The following CRACR2B variants were observed in gnomAD, a reference collection of about 807,000 sequenced individuals.
CRACR2B encodes the protein calcium release activated channel regulator 2B, also known as EF-hand calcium-binding domain-containing protein 4A.
A neutral mutation model predicts 46.0 loss-of-function variants in CRACR2B; 50 were observed. That is an observed-to-expected ratio of 1.09 (90% CI 0.87 to 1.38). CRACR2B has a LOEUF of 1.38. CRACR2B is among the 40% of genes most tolerant of loss of function. CRACR2B has a pLI of 0.00. For synonymous variants in CRACR2B, 277 were observed against 239.6 expected (o/e 1.16, Z -1.44); for missense variants, 667 against 535.0 (o/e 1.25, Z -2.43).
chr11:826,374 C>T (rs1845899883), upstream of CRACR2B: 1 of 152,202 alleles, frequency 6.6e-6, no homozygotes, highest in Admixed American at 6.5e-5. Flanking sequence ...AGCAGCTCCT[C>T]CTTCCAATCC....
At chr11:831,454 G>C (rs1028243638) in intron 8 of CRACR2B, 81 bp from the exon 9 acceptor site, 1 of 1,494,024 alleles carries the variant, frequency 6.7e-7, no homozygotes, top group South Asian at 1.3e-5. Context: ...ACCTCTCTTC[G>C]CTCTGAGGGG....
Position 830,402 on chromosome 11 carries a change from C to T in CRACR2B, c.693+65C>T, listed in dbSNP as rs1206804535. The T allele has an allele frequency of 2.0e-6, 3 of 1,536,158 alleles. No homozygotes were observed. The African/African-American group carries it at 4.1e-5, about 21-fold the overall frequency. On this transcript the variant is annotated intron_variant, in intron 5 of 8. Coordinates refer to ENST00000525077, the MANE Select transcript of CRACR2B (RefSeq NM_001286606.2). The stretch of plus-strand genomic sequence containing the variant: ...CACCTCGCTGGCCTCCCTGGCTCCG[C>T]CTTCTCTGAATTAATCCCTCCCCGA...
In CRACR2B at chr11:830,032, C is replaced by A. The variant is rs1488901781; in HGVS notation, c.505C>A (p.Pro169Thr). 1 of 1,569,444 alleles carries A rather than the reference C, an allele frequency of 6.4e-7. No homozygotes were observed. The highest frequency in any genetic ancestry group is 8.6e-7 in the Non-Finnish European group (1 of 1,163,490). The change falls in exon 4 of 9, where the codon CCC (proline) becomes ACC (threonine). Residue 169 changes from proline (P) to threonine (T), a missense_variant. Physicochemically the swap from Pro to Thr is conservative, Grantham distance 38 (BLOSUM62 -1). Transcript: ENST00000525077. ...CTGGGCCAGGCTGCAGCGCGAGCGC[C>A]CCGAGCTGCTGGGCTCTTTCGAGGA... The part of the protein sequence containing the change: ...TLWARLQRER[P>T]ELLGSFEDVL...
upstream of CRACR2B, chr11:827,489 G>A (rs1845986288): frequency 3.1e-6 from 3 of 969,374 alleles, no homozygotes; most frequent in South Asian, 9.5e-5. Flanking sequence ...CCAGAGTTTC[G>A]GGGAGCACAG....
chr11:829,323 C>A lies in CRACR2B; in HGVS notation c.278-37C>A, dbSNP rs371971539. The stretch of plus-strand genomic sequence containing the variant: ...AACGGGGACACAGCCACGGTGGCGA[C>A]CCACAGCCCTGGTAATCGCTCGCTC... On this transcript the variant is annotated intron_variant, in intron 2 of 8. Coordinates refer to ENST00000525077, the MANE Select transcript of CRACR2B (RefSeq NM_001286606.2). 121 of 1,567,806 alleles carry A rather than the reference C, an allele frequency of 7.7e-5. No homozygotes were observed. The African/African-American group carries it at 1.5e-3, about 20-fold the overall frequency.
At chr11:830,185 A>T in intron 4 of CRACR2B, 53 bp downstream of exon 4, 2 of 1,496,424 alleles carry the variant, frequency 1.3e-6, no homozygotes, top group Non-Finnish European at 1.8e-6. Flanking sequence ...GGGCAGCAGC[A>T]GAGGCGGTGC....
Position 831,312 on chromosome 11 carries a change from GC to G in CRACR2B, c.1025+20del. ...GCTGCTCAGGTACGGTCAGGCTCAG[GC>G]CCGAGAGGGAATGGGCTCAGCGGAG... On this transcript the variant is annotated intron_variant, in intron 8 of 8. Coordinates refer to ENST00000525077, the MANE Select transcript of CRACR2B (RefSeq NM_001286606.2). The G allele has an allele frequency of 1.3e-6, 2 of 1,595,714 alleles. No homozygotes were observed. Among genetic ancestry groups the G allele is most frequent in the Non-Finnish European group, 8.5e-7 (1 of 1,175,034 alleles).
In CRACR2B at chr11:828,553, T is replaced by A; in HGVS notation, c.-55T>A. The stretch of plus-strand genomic sequence containing the variant: ...ATCCGCTCCCCTCCTGAATTTCTTC[T>A]GACCCTCCCTTGGCTTCACAGCACC... On this transcript the variant is annotated 5_prime_UTR_variant, in exon 1 of 9. Coordinates refer to ENST00000525077, the MANE Select transcript of CRACR2B (RefSeq NM_001286606.2). 1 of 1,524,506 alleles carries A rather than the reference T, an allele frequency of 6.6e-7. No individual in the cohort carries two copies. The highest frequency in any genetic ancestry group is 8.7e-7 in the Non-Finnish European group (1 of 1,144,584). 94.4% of individuals were successfully genotyped at this position (1,524,506 alleles called of 1,614,324 possible).
rs745501535 is a variant in CRACR2B, at chr11:831,589, G to A, written c.1080G>A (p.Ala360=). The change falls in exon 9 of 9, where the codon GCG becomes GCA. Residue 360 remains alanine (A), a synonymous_variant. Transcript: ENST00000525077. The part of the protein sequence containing the change: ...DDRDACEARR[A]GSSCRKALTT... ...GGGACGCCTGCGAGGCCAGGCGGGC[G>A]GGCAGCAGCTGCAGGAAGGCTCTGA... 21 of 1,590,512 alleles carry A rather than the reference G, an allele frequency of 1.3e-5. No homozygotes were observed. Among genetic ancestry groups the A allele is most frequent in the South Asian group, 6.8e-5 (6 of 88,034 alleles).
At chr11:829,778 C>A in intron 3 of CRACR2B, 1 of 1,104,126 alleles carries the variant, frequency 9.1e-7, no homozygotes, top group Non-Finnish European at 1.2e-6. Context: ...CGCGGGGCCA[C>A]ATACCGGCAC....
chr11:829,415 G>A lies in CRACR2B; in HGVS notation c.333G>A (p.Glu111=), dbSNP rs376708795. The A allele has an allele frequency of 5.6e-6, 9 of 1,611,042 alleles. No individual in the cohort carries two copies. The Admixed American group carries it at 1.5e-4, about 27-fold the overall frequency. ...AQGANPCRTP[E]ETFESGGLDV... The stretch of plus-strand genomic sequence containing the variant: ...GAGCGAACCCCTGCAGGACTCCCGA[G>A]GAGACCTTTGAGTCGGGCGGGCTCG... Residue 111 remains glutamate, a synonymous_variant, in exon 3 of 9, where the codon GAG becomes GAA. Transcript: ENST00000525077.
chr11:830,650 T>TCTGGAG lies in CRACR2B; in HGVS notation c.733_738dup (p.Glu245_Leu246dup). The TCTGGAG allele has an allele frequency of 1.3e-6, 2 of 1,548,516 alleles. No individual in the cohort carries two copies. The highest frequency in any genetic ancestry group is 2.4e-5 in the East Asian group (1 of 40,892). ...TCGCCCGCGGGGAGCGGAGAAGCCG[T>TCTGGAG]CTGGAGCTGGAGCTGCAGAGCCGCG... On this transcript the variant is annotated inframe_insertion, in exon 6 of 9. Coordinates refer to ENST00000525077, the MANE Select transcript of CRACR2B (RefSeq NM_001286606.2).
Position 830,228 on chromosome 11 carries a change from G to A in CRACR2B, c.606-22G>A, listed in dbSNP as rs753941808. ...CTGTAGCGCTGGCAAGTTCTCATCCGGGGTCGCCCGGTCCCCCGAAGGCGC... is the reference window on the plus strand; with the variant it reads ...CTGTAGCGCTGGCAAGTTCTCATCCAGGGTCGCCCGGTCCCCCGAAGGCGC... On this transcript the variant is annotated intron_variant, in intron 4 of 8. Coordinates refer to ENST00000525077, the MANE Select transcript of CRACR2B (RefSeq NM_001286606.2). The A allele has an allele frequency of 2.5e-5, 38 of 1,497,482 alleles. No homozygotes were observed. The African/African-American group carries it at 4.4e-4, about 17-fold the overall frequency. The allele number at this position is 1,497,482 out of a possible 1,614,324, so 92.8% of individuals were successfully genotyped here. A position where few individuals can be genotyped will look rare whatever the true frequency, so the allele number is the denominator to read the frequency against.
chr11:829,397 C>G lies in CRACR2B; in HGVS notation c.315C>G (p.Asn105Lys). 6.2e-7 allele frequency: 1 copy of G among 1,610,754 alleles called. No individual in the cohort carries two copies. The highest frequency in any genetic ancestry group is 8.5e-7 in the Non-Finnish European group (1 of 1,179,182). ...FVGVASAQGANPCRTPEETFE... is the reference protein window; with the variant it reads ...FVGVASAQGAKPCRTPEETFE... Reference sequence around the variant, plus strand: ...GGGTGGCGTCAGCCCAGGGAGCGAACCCCTGCAGGACTCCCGAGGAGACCT... The same window carrying G: ...GGGTGGCGTCAGCCCAGGGAGCGAAGCCCTGCAGGACTCCCGAGGAGACCT... Residue 105 changes from asparagine (N) to lysine (K), a missense_variant, in exon 3 of 9, where the codon AAC (asparagine) becomes AAG (lysine). Asn to Lys is a moderately conservative substitution (Grantham distance 94). Coordinates refer to ENST00000525077, the MANE Select transcript of CRACR2B (RefSeq NM_001286606.2).
rs937155589 is a variant in CRACR2B at position 828,366 on chromosome 11, G to T, written c.-242G>T. 2.0e-6 allele frequency: 1 copy of T among 512,174 alleles called. No homozygotes were observed. Among genetic ancestry groups the T allele is most frequent in the East Asian group, 3.6e-5 (1 of 27,840 alleles). The allele number at this position is 512,174 out of a possible 1,614,324, so 31.7% of individuals were successfully genotyped here. On this transcript the variant is annotated 5_prime_UTR_variant, in exon 1 of 9. Coordinates refer to ENST00000525077, the MANE Select transcript of CRACR2B (RefSeq NM_001286606.2). The stretch of plus-strand genomic sequence containing the variant: ...CTCCTGAGATGCCAGACCCACTGGG[G>T]CAGTACCCACAGGCCCTGAGCCTAC...
chr11:829,610 G>T, intron 3 of CRACR2B, 70 bp downstream of exon 3: 1 of 1,432,172 alleles, frequency 7.0e-7, no homozygotes, highest in Non-Finnish European at 9.3e-7. Flanking sequence ...GTCTGCCCTT[G>T]TCACCCGAGT....
chr11:827,602 C>A, upstream of CRACR2B: 1 of 959,784 alleles, frequency 1.0e-6, no homozygotes, highest in Non-Finnish European at 1.2e-6. Context: ...GCCGGCAAGC[C>A]GGAGGGCGGG....
At chr11:830,409 T>C (rs757013223) in intron 5 of CRACR2B, 72 bp downstream of exon 5, 1 of 1,535,824 alleles carries the variant, frequency 6.5e-7, no homozygotes, top group Non-Finnish European at 8.7e-7. Context: ...CCGCCTTCTC[T>C]GAATTAATCC....
intron 1 of CRACR2B, 23 bp downstream of exon 1, chr11:828,795 C>A: frequency 6.2e-7 from 1 of 1,612,546 alleles, no homozygotes; most frequent in South Asian, 1.1e-5. Flanking sequence ...CCCCAAGAGA[C>A]TGCTTCGGCC....
Sources: gnomAD v4.1 joint callset for allele counts on GRCh38, gnomAD v4.1.1 for gene constraint, MANE v1.5 for transcripts, NCBI Gene and HGNC (gene_info 2026-07-23, HGNC 2026-07-21) for gene names.